SLC2A14: variants seen among roughly 807,000 people sequenced by gnomAD.
SLC2A14 encodes the protein solute carrier family 2, facilitated glucose transporter member 14.
A neutral mutation model predicts 43.0 loss-of-function variants in SLC2A14; 13 were observed. The observed-to-expected ratio is 0.30, with a 90% CI of 0.20 to 0.48. The LOEUF is 0.48. SLC2A14 is among the 20% of genes least tolerant of loss of function. The probability of loss-of-function intolerance (pLI) is 0.99; values close to 1 mark genes in which losing one functional copy is unlikely to be tolerated. For synonymous variants in SLC2A14, 190 were observed against 233.8 expected (o/e 0.81, Z 1.71); for missense variants, 428 against 620.4 (o/e 0.69, Z 3.29).
chr12:7,835,659 A>C (rs745499148), intron 2 of SLC2A14, among the ~76,000 whole-genome samples: 3 of 152,162 alleles, frequency 2.0e-5, no homozygotes, highest in Non-Finnish European at 4.4e-5. Flanking sequence ...ATAAAATCTA[A>C]AGTCAGGGAA....
intron 1 of SLC2A14, chr12:7,871,074 G>A: frequency 7.2e-7 from 1 of 1,389,330 alleles, no homozygotes; most frequent in South Asian, 1.2e-5. Context: ...TGCAGGGCAT[G>A]ATGAGCGAGG....
At chr12:7,819,447 C>T in intron 9 of SLC2A14, 35 bp downstream of exon 9, 1 of 1,610,022 alleles carries the variant, frequency 6.2e-7, no homozygotes. Flanking sequence ...TCTCTTCTTT[C>T]CCCCTCCCTT....
intron 2 of SLC2A14, among the ~76,000 whole-genome samples, chr12:7,836,378 G>A (rs1299684314): frequency 3.3e-5 from 5 of 151,336 alleles, no homozygotes; most frequent in Non-Finnish European, 5.9e-5. Context: ...GTGCCACCAC[G>A]CCCAGCTAAT....
chr12:7,833,462 A>T (rs1250407349), intron 2 of SLC2A14, among the ~76,000 whole-genome samples: 1 of 152,124 alleles, frequency 6.6e-6, no homozygotes, highest in Non-Finnish European at 1.5e-5. Flanking sequence ...GCTCACTACA[A>T]ACCTAACAAA....
intron 2 of SLC2A14, among the ~76,000 whole-genome samples, chr12:7,844,091 T>C (rs751216431): frequency 2.0e-5 from 3 of 152,180 alleles, no homozygotes; most frequent in Non-Finnish European, 4.4e-5. Context: ...ATTAACCAGA[T>C]CAAGATCTAG....
At chr12:7,829,648 C>G in intron 5 of SLC2A14, 118 bp downstream of exon 5, 1 of 1,411,504 alleles carries the variant, frequency 7.1e-7, no homozygotes, top group South Asian at 1.4e-5. Flanking sequence ...TATCTATTAT[C>G]TAAAACTTCC....
chr12:7,828,636 C>T (rs1864711051), intron 6 of SLC2A14, 68 bp downstream of exon 6: 4 of 1,502,326 alleles, frequency 2.7e-6, no homozygotes, highest in African/African-American at 1.4e-5. Context: ...AAAATAGATC[C>T]AGTACCCTCA....
intron 6 of SLC2A14, among the ~76,000 whole-genome samples, chr12:7,828,295 G>GATTCTCCGAGC (rs1864675155): frequency 6.6e-6 from 1 of 151,920 alleles, no homozygotes; most frequent in Non-Finnish European, 1.5e-5. Flanking sequence ...AACCTGGGAG[G>GATTCTCCGAGC]CAGAGGTTGC....
intron 2 of SLC2A14, among the ~76,000 whole-genome samples, chr12:7,842,805 C>T (rs927932019): frequency 4.0e-5 from 6 of 150,322 alleles, no homozygotes; most frequent in African/African-American, 9.8e-5. Context: ...CTCGGCTCAT[C>T]GCAACCTCCG....
At chr12:7,849,839 A>G (rs1866775594) in intron 2 of SLC2A14, among the ~76,000 whole-genome samples, 1 of 148,364 alleles carries the variant, frequency 6.7e-6, no homozygotes, top group Admixed American at 6.9e-5. Flanking sequence ...TGGGAGGTAG[A>G]GGTTGCAGTG....
chr12:7,865,498 C>T (rs1234418219), intron 2 of SLC2A14, among the ~76,000 whole-genome samples: 7 of 151,676 alleles, frequency 4.6e-5, no homozygotes, highest in Admixed American at 1.3e-4. Context: ...GATCGTGCCA[C>T]TGCACTCCAG....
At chr12:7,874,220 T>C (rs7313512), upstream of SLC2A14, among the ~76,000 whole-genome samples, 129,615 of 152,012 alleles carry the variant, frequency 0.85, 55,568 homozygotes, top group South Asian at 0.96. Flanking sequence ...GGGGTACAAA[T>C]TGATAAATTG....
intron 2 of SLC2A14, among the ~76,000 whole-genome samples, chr12:7,858,580 A>G (rs895654933): frequency 6.6e-6 from 1 of 152,002 alleles, no homozygotes; most frequent in African/African-American, 2.4e-5. Flanking sequence ...GCTCACCACA[A>G]CTTCCGCCTC....
At chr12:7,884,726 T>C (rs1945658876) in intron 1 of SLC2A14, among the ~76,000 whole-genome samples, 1 of 152,160 alleles carries the variant, frequency 6.6e-6, no homozygotes, top group Admixed American at 6.5e-5. Flanking sequence ...AAGGCGATTC[T>C]CTTCTGGGCT....
rs754438171 is a variant in SLC2A14, at chr12:7,817,855, G to A, written c.1251C>T (p.Val417=). 20 of 1,613,896 alleles carry A rather than the reference G, an allele frequency of 1.2e-5. No individual in the cohort carries two copies. The highest frequency in any genetic ancestry group is 1.2e-4 in the African/African-American group (9 of 74,926). The change falls in exon 10 of 11, where the codon GTC becomes GTT. Residue 417 remains valine, a synonymous_variant. Transcript: ENST00000431042. ...CAGCAGCAGAGGGGAAGAGCAATCC[G>A]ACTAGGAAGTTGGAGGTCCAGTTGG... The part of the protein sequence containing the change: ...GCSNWTSNFL[V]GLLFPSAAYY...
At chr12:7,815,522 G>A (rs1257972368) in intron 10 of SLC2A14, among the ~76,000 whole-genome samples, 1 of 152,102 alleles carries the variant, frequency 6.6e-6, no homozygotes, top group Non-Finnish European at 1.5e-5. Context: ...AGCCTTTGAT[G>A]TCTAATCTTT....
chr12:7,880,206 CAGG>C (rs1945540826), intron 1 of SLC2A14, among the ~76,000 whole-genome samples: 2 of 151,862 alleles, frequency 1.3e-5, no homozygotes, highest in African/African-American at 2.4e-5. Context: ...GAGGCTAAGG[CAGG>C]AGAACAGCTT....
intron 2 of SLC2A14, among the ~76,000 whole-genome samples, chr12:7,868,475 TC>T (rs1192907663): frequency 6.6e-6 from 1 of 152,118 alleles, no homozygotes; most frequent in Non-Finnish European, 1.5e-5. Context: ...ATCAAAATCC[TC>T]CCCGTCCATT....
intron 1 of SLC2A14, among the ~76,000 whole-genome samples, chr12:7,887,219 GA>G (rs1426838410): frequency 6.6e-6 from 1 of 151,818 alleles, no homozygotes; most frequent in East Asian, 1.9e-4. Context: ...GCCAAATAAT[GA>G]TTTCCTACTT....
Sources: gnomAD v4.1 joint callset for allele counts (sites outside exome capture counted in the v4.1 genomes callset) on GRCh38, gnomAD v4.1.1 for gene constraint, MANE v1.5 for transcripts, NCBI Gene and HGNC (gene_info 2026-07-23, HGNC 2026-07-21) for gene names.